LMO1: variants seen among roughly 807,000 people sequenced by gnomAD.
The protein encoded by LMO1 is LIM domain only 1, also known as rhombotin-1.
LMO1 carries 10 observed loss-of-function variants against 18.0 expected under a neutral mutation model. The observed-to-expected ratio is 0.55, with a 90% confidence interval of 0.34 to 0.94. The LOEUF is 0.94. Ranked by LOEUF, LMO1 falls within the 40% of genes least tolerant of loss-of-function variation. The pLI, the probability that LMO1 is intolerant of heterozygous loss-of-function variation, is 0.02. For synonymous variants in LMO1, 77 were observed against 77.9 expected (o/e 0.99, Z 0.06); for missense variants, 183 against 205.7 (o/e 0.89, Z 0.68).
Position 8,230,276 on chromosome 11 carries a change from G to A in LMO1, c.239+15C>T, listed in dbSNP as rs1952629933. The A allele has an allele frequency of 6.2e-7, 1 of 1,611,948 alleles. No homozygotes were observed. The highest frequency in any genetic ancestry group is 2.2e-5 in the East Asian group (1 of 44,866). On this transcript the variant is annotated intron_variant, in intron 2 of 3. Coordinates refer to ENST00000335790, the MANE Select transcript of LMO1 (RefSeq NM_002315.3). ...GCAGGACAAGGGCTTGGGAGGCCAG[G>A]GTTTGGCAGCCCACCTCAGGTAGTC...
At chr11:8,242,636 T>C (rs406281) in intron 1 of LMO1, among the ~76,000 whole-genome samples, 97,117 of 152,106 alleles carry the variant, frequency 0.64, 32,921 homozygotes, top group East Asian at 0.96. Flanking sequence ...CTGTGGGGAC[T>C]GGTGGAGAGC....
At chr11:8,230,256 A>C (rs67820061) in intron 2 of LMO1, 35 bp downstream of exon 2, 1 of 1,598,706 alleles carries the variant, frequency 6.3e-7, no homozygotes, top group Admixed American at 1.7e-5. Context: ...TCTGAGCAGG[A>C]CAAGGGCTTG....
At chr11:8,233,860 T>C (rs1448382455) in intron 1 of LMO1, among the ~76,000 whole-genome samples, 2 of 152,208 alleles carry the variant, frequency 1.3e-5, no homozygotes, top group Non-Finnish European at 2.9e-5. Flanking sequence ...TTTAGTGTTA[T>C]CTAAAAATCA....
At chr11:8,248,639 G>A (rs889987114) in intron 1 of LMO1, among the ~76,000 whole-genome samples, 5 of 152,226 alleles carry the variant, frequency 3.3e-5, no homozygotes, top group African/African-American at 1.2e-4. Context: ...AATAGGTAAG[G>A]GTAGGGAGAC....
intron 1 of LMO1, among the ~76,000 whole-genome samples, chr11:8,232,174 C>T (rs950270586): frequency 6.6e-6 from 1 of 152,180 alleles, no homozygotes; most frequent in Non-Finnish European, 1.5e-5. Flanking sequence ...CCTCCTCCTT[C>T]TCCTCCCTGC....
chr11:8,268,454 C>A, upstream of LMO1: 1 of 1,456,552 alleles, frequency 6.9e-7, no homozygotes, highest in Non-Finnish European at 9.0e-7. Context: ...ACCATGGTCC[C>A]GACGGCTCCA....
intron 1 of LMO1, among the ~76,000 whole-genome samples, chr11:8,252,660 C>T (rs1293553442): frequency 4.6e-5 from 7 of 152,242 alleles, no homozygotes; most frequent in Non-Finnish European, 1.0e-4. Context: ...GGCATGGCCA[C>T]CATGGCCAGC....
chr11:8,241,954 G>A (rs532062837), intron 1 of LMO1, among the ~76,000 whole-genome samples: 6 of 152,322 alleles, frequency 3.9e-5, no homozygotes, highest in African/African-American at 1.4e-4. Context: ...CATGCATGAA[G>A]AGACTGAATG....
intron 1 of LMO1, among the ~76,000 whole-genome samples, chr11:8,236,585 C>G (rs1952764402): frequency 6.6e-6 from 1 of 151,876 alleles, no homozygotes; most frequent in Non-Finnish European, 1.5e-5. Context: ...GGGGCTGAGA[C>G]CCAAGCAGGA....
intron 3 of LMO1, 150 bp from the exon 4 acceptor site, chr11:8,224,871 C>T (rs1952505768): frequency 1.6e-6 from 1 of 636,526 alleles, no homozygotes. Context: ...AGGGAACTGC[C>T]AAAAGTCCCC....
chr11:8,251,720 C>T (rs932923415), intron 1 of LMO1, among the ~76,000 whole-genome samples: 1 of 144,506 alleles, frequency 6.9e-6, no homozygotes, highest in Non-Finnish European at 1.5e-5. Flanking sequence ...GGTAGGTGTG[C>T]GTGTGGTGTG....
intron 1 of LMO1, among the ~76,000 whole-genome samples, chr11:8,247,937 CG>C (rs796915138): frequency 3.3e-5 from 5 of 152,346 alleles, no homozygotes; most frequent in African/African-American, 9.6e-5. Context: ...AACACCTCCT[CG>C]GGTGGGCACA....
At chr11:8,246,736 A>C (rs554695455) in intron 1 of LMO1, among the ~76,000 whole-genome samples, 4 of 152,188 alleles carry the variant, frequency 2.6e-5, no homozygotes, top group African/African-American at 9.6e-5. Flanking sequence ...AAAACAAATA[A>C]ATATTCCTTT....
upstream of LMO1, among the ~76,000 whole-genome samples, chr11:8,265,093 G>C (rs1302387170): frequency 6.6e-6 from 1 of 152,238 alleles, no homozygotes; most frequent in Non-Finnish European, 1.5e-5. Context: ...ACTAGACCCA[G>C]GGAAAGAGAA....
chr11:8,241,786 C>CAAAAAAAA (rs10706352), intron 1 of LMO1, among the ~76,000 whole-genome samples: 1 of 118,408 alleles, frequency 8.4e-6, no homozygotes, highest in African/African-American at 2.8e-5. Context: ...CTGTGAGTTT[C>CAAAAAAAA]AAAAAAAAAA....
At chr11:8,253,495 C>T (rs2134573875) in intron 1 of LMO1, among the ~76,000 whole-genome samples, 1 of 152,292 alleles carries the variant, frequency 6.6e-6, no homozygotes, top group East Asian at 1.9e-4. Context: ...AGGATTTGAA[C>T]CCGTGTGACT....
intron 1 of LMO1, among the ~76,000 whole-genome samples, chr11:8,238,409 C>T (rs1466182033): frequency 3.9e-5 from 6 of 152,168 alleles, no homozygotes; most frequent in Admixed American, 6.5e-5. Context: ...CGGTGGCTCA[C>T]GCCTGTAATC....
At chr11:8,263,040 G>T (rs1187283104) in intron 1 of LMO1, among the ~76,000 whole-genome samples, 1 of 151,988 alleles carries the variant, frequency 6.6e-6, no homozygotes, top group African/African-American at 2.4e-5. Flanking sequence ...CAGCCTCCGC[G>T]CGGCCCCGCG....
chr11:8,235,746 C>T (rs78822894), intron 1 of LMO1, among the ~76,000 whole-genome samples: 67 of 152,190 alleles, frequency 4.4e-4, no homozygotes, highest in African/African-American at 1.6e-3. Context: ...TGTGTGACTT[C>T]GATTAACATT....
Sources: gnomAD v4.1 joint callset for allele counts (sites outside exome capture counted in the v4.1 genomes callset) on GRCh38, gnomAD v4.1.1 for gene constraint, MANE v1.5 for transcripts, NCBI Gene and HGNC (gene_info 2026-07-23, HGNC 2026-07-21) for gene names.